UNC5C: variants seen among roughly 807,000 people sequenced by gnomAD.
UNC5C encodes the protein unc-5 netrin receptor C, also known as netrin receptor UNC5C.
Under a neutral mutation model 99.8 loss-of-function variants are expected in UNC5C, and 47 were observed. The ratio of observed to expected loss-of-function variants is 0.47; its 90% confidence interval spans 0.37 to 0.60. UNC5C has a LOEUF of 0.60. Ranked by LOEUF, UNC5C falls within the 20% of genes least tolerant of loss-of-function variation. UNC5C has a pLI of 0.00. For synonymous variants in UNC5C, 487 were observed against 452.2 expected (o/e 1.08, Z -0.98); for missense variants, 1,062 against 1,165.9 (o/e 0.91, Z 1.30).
In UNC5C at chr4:95,312,119, C is replaced by T. The variant is rs548053754; in HGVS notation, c.347-10370G>A. ...AACCCCAAAACCAGAAAAGAAAGCA[C>T]GTAAGGAGATAAGGTCTCTGTTCTC... On this transcript the variant is annotated intron_variant, in intron 2 of 15. Coordinates refer to ENST00000453304, the MANE Select transcript of UNC5C (RefSeq NM_003728.4). Among the ~76,000 whole-genome samples, 74 of 151,942 alleles carry T rather than the reference C, an allele frequency of 4.9e-4. 1 individual carries two copies. Among genetic ancestry groups the T allele is most frequent in the African/African-American group, 9.4e-4 (39 of 41,350 alleles).
chr4:95,261,070 A>G (rs1037635897), intron 4 of UNC5C, among the ~76,000 whole-genome samples: 1 of 152,136 alleles, frequency 6.6e-6, no homozygotes, highest in Non-Finnish European at 1.5e-5. Context: ...TGTCCATAAA[A>G]CCAAGAACCA....
intron 3 of UNC5C, 41 bp downstream of exon 3, chr4:95,301,565 C>T: frequency 6.2e-7 from 1 of 1,612,150 alleles, no homozygotes. Context: ...TTATGTGTAT[C>T]AACTTCTGAG....
Position 95,179,441 on chromosome 4 carries a change from C to CTAT in UNC5C, c.2451+3453_2451+3455dup, listed in dbSNP as rs1274115972. Among the ~76,000 whole-genome samples the CTAT allele has an allele frequency of 5.3e-5, 8 of 152,248 alleles. No individual in the cohort carries two copies. The South Asian group carries it at 1.5e-3, about 28-fold the overall frequency. On this transcript the variant is annotated intron_variant, in intron 14 of 15. Transcript: ENST00000453304. ...ATAATTGCTTTTATTACCTATAAAT[C>CTAT]TATTATTAAAGTAAAGTAGATGAGA...
chr4:95,300,143 G>A (rs1174186654), intron 3 of UNC5C, among the ~76,000 whole-genome samples: 1 of 152,134 alleles, frequency 6.6e-6, no homozygotes, highest in East Asian at 1.9e-4. Context: ...AAAATATATG[G>A]ATTTCAGCGC....
rs1398977274 is a variant in UNC5C at position 95,335,462 on chromosome 4, T to C, written c.294A>G (p.Glu98=). Residue 98 remains glutamate, a synonymous_variant, in exon 2 of 16, where the codon GAA becomes GAG. Transcript: ENST00000453304. ...CTATGTGGTCCTTCTGATGAACCCA[T>C]TCACTATTACACTTGAAATAGATCT... The part of the protein sequence containing the change: ...ATQIYFKCNS[E]WVHQKDHIVD... The C allele has an allele frequency of 1.2e-6, 2 of 1,612,438 alleles. No individual in the cohort carries two copies. The highest frequency in any genetic ancestry group is 3.3e-5 in the Admixed American group (2 of 59,828).
At chr4:95,215,023 A>G (rs1009753486) in intron 10 of UNC5C, among the ~76,000 whole-genome samples, 1 of 152,200 alleles carries the variant, frequency 6.6e-6, no homozygotes, top group Non-Finnish European at 1.5e-5. Context: ...ACAGGCTAGT[A>G]TTTATGTAGG....
chr4:95,467,837 A>C (rs529830792), intron 1 of UNC5C, among the ~76,000 whole-genome samples: 4 of 152,346 alleles, frequency 2.6e-5, no homozygotes, highest in African/African-American at 9.6e-5. Context: ...TGTATGTTAT[A>C]TATACTTTAT....
At chr4:95,464,411 G>T (rs961073544) in intron 1 of UNC5C, among the ~76,000 whole-genome samples, 1 of 152,170 alleles carries the variant, frequency 6.6e-6, no homozygotes, top group Non-Finnish European at 1.5e-5. Context: ...ATTAAGAAGA[G>T]TCTGATTAGA....
intron 1 of UNC5C, among the ~76,000 whole-genome samples, chr4:95,450,420 A>G (rs1747249917): frequency 6.6e-6 from 1 of 152,156 alleles, no homozygotes; most frequent in Non-Finnish European, 1.5e-5. Flanking sequence ...AGTGTGTGTC[A>G]CTATGAAACT....
At chr4:95,245,572 T>C (rs1477057258) in intron 5 of UNC5C, among the ~76,000 whole-genome samples, 2 of 152,212 alleles carry the variant, frequency 1.3e-5, no homozygotes, top group Admixed American at 6.5e-5. Flanking sequence ...AAAAAAAAGA[T>C]TGATTTTTTA....
intron 2 of UNC5C, among the ~76,000 whole-genome samples, chr4:95,311,302 AC>A (rs1380004513): frequency 2.6e-5 from 4 of 152,198 alleles, no homozygotes; most frequent in African/African-American, 9.6e-5. Flanking sequence ...TATAAAAAAA[AC>A]AATTTTGTGA....
intron 12 of UNC5C, among the ~76,000 whole-genome samples, chr4:95,194,611 G>C (rs1000962680): frequency 6.6e-6 from 1 of 152,116 alleles, no homozygotes; most frequent in Admixed American, 6.5e-5. Context: ...ATTTCTCTGA[G>C]CCTTTTTCTG....
chr4:95,510,613 G>C (rs1019678709), intron 1 of UNC5C, among the ~76,000 whole-genome samples: 1 of 151,968 alleles, frequency 6.6e-6, no homozygotes, highest in African/African-American at 2.4e-5. Context: ...TAGTCCTTCA[G>C]AATTTATTAT....
At chr4:95,336,691 G>A (rs534134522) in intron 1 of UNC5C, among the ~76,000 whole-genome samples, 2 of 151,748 alleles carry the variant, frequency 1.3e-5, no homozygotes, top group Admixed American at 6.6e-5. Flanking sequence ...AATGATGTCC[G>A]GTCTCTGCTA....
chr4:95,386,324 C>A (rs34959330), intron 1 of UNC5C, among the ~76,000 whole-genome samples: 1 of 152,026 alleles, frequency 6.6e-6, no homozygotes, highest in Non-Finnish European at 1.5e-5. Context: ...CCCACTAACT[C>A]GTCATCTAGC....
At chr4:95,547,022 C>T (rs771079059) in intron 1 of UNC5C, among the ~76,000 whole-genome samples, 8 of 151,856 alleles carry the variant, frequency 5.3e-5, no homozygotes, top group Non-Finnish European at 8.8e-5. Context: ...GTTGATTCCA[C>T]GACTATTCAT....
chr4:95,278,295 G>C lies in UNC5C; in HGVS notation c.558C>G (p.Leu186=). The C allele has an allele frequency of 6.2e-7, 1 of 1,614,094 alleles. No homozygotes were observed. Among genetic ancestry groups the C allele is most frequent in the Non-Finnish European group, 8.5e-7 (1 of 1,180,016 alleles). The change falls in exon 4 of 16, where the codon CTC becomes CTG. Residue 186 remains leucine (L), a synonymous_variant. Transcript: ENST00000453304. ...GGATCCCTTCAGGTGGTCGACACTG[G>C]AGTAAGACTTCCTGTTCCAAAGACA... The part of the protein sequence containing the change: ...KEVSLEQEVL[L]QCRPPEGIPV...
At chr4:95,176,041 C>G (rs2149346452) in intron 14 of UNC5C, among the ~76,000 whole-genome samples, 1 of 151,654 alleles carries the variant, frequency 6.6e-6, no homozygotes, top group South Asian at 2.1e-4. Context: ...GCATTGGCTC[C>G]TGAGGCTTCT....
intron 1 of UNC5C, among the ~76,000 whole-genome samples, chr4:95,379,301 T>C (rs1037818457): frequency 5.3e-5 from 8 of 152,216 alleles, no homozygotes; most frequent in African/African-American, 1.9e-4. Context: ...CAGTCACAGA[T>C]GCATGCTGTG....
Sources: allele counts gnomAD v4.1 joint callset (sites outside exome capture counted in the v4.1 genomes callset), GRCh38; gene constraint gnomAD v4.1.1; transcripts MANE v1.5; gene names NCBI Gene and HGNC (gene_info 2026-07-23, HGNC 2026-07-21).